CNTNAP2: variants seen among roughly 807,000 people sequenced by gnomAD.
CNTNAP2 encodes the protein contactin associated protein 2, also known as contactin-associated protein-like 2.
A neutral mutation model predicts 155.2 loss-of-function variants in CNTNAP2; 98 were observed. The observed-to-expected ratio is 0.63, with a 90% CI of 0.54 to 0.75. The LOEUF is 0.75. Among genes scored for constraint, CNTNAP2 ranks in the 30% least tolerant of loss-of-function variants. The pLI, the probability that CNTNAP2 is intolerant of heterozygous loss-of-function variation, is 0.00. For missense variants in CNTNAP2, 1,727 were observed against 1,688.1 expected, an observed-to-expected ratio of 1.02 and a Z score of -0.40; for synonymous variants, 651 against 631.2, an observed-to-expected ratio of 1.03 and a Z score of -0.47.
chr7:148,216,163 G>A (rs1486926694), intron 18 of CNTNAP2, among the ~76,000 whole-genome samples: 4 of 152,202 alleles, frequency 2.6e-5, no homozygotes, highest in Admixed American at 6.5e-5. Flanking sequence ...CAAACAGCAG[G>A]GAGACCGGCA....
chr7:146,417,563 ATCT>A (rs926449325), intron 1 of CNTNAP2, among the ~76,000 whole-genome samples: 110 of 152,158 alleles, frequency 7.2e-4, no homozygotes, highest in African/African-American at 2.4e-3. Flanking sequence ...CATTGGAGTT[ATCT>A]TCTTCTTCTT....
intron 1 of CNTNAP2, among the ~76,000 whole-genome samples, chr7:146,541,475 T>C (rs532359705): frequency 6.6e-6 from 1 of 152,154 alleles, no homozygotes; most frequent in South Asian, 2.1e-4. Context: ...CCCAATTAAA[T>C]GAAGATGAGT....
chr7:146,617,560 T>C (rs1210452005), intron 1 of CNTNAP2, among the ~76,000 whole-genome samples: 1 of 152,192 alleles, frequency 6.6e-6, no homozygotes, highest in Non-Finnish European at 1.5e-5. Flanking sequence ...CTTAAATAAA[T>C]ATCAAAGTTA....
chr7:146,354,206 C>T (rs759158810), intron 1 of CNTNAP2, among the ~76,000 whole-genome samples: 1 of 152,110 alleles, frequency 6.6e-6, no homozygotes, highest in Non-Finnish European at 1.5e-5. Flanking sequence ...TTGATAAAGC[C>T]ACTTATCCAC....
Position 147,186,770 on chromosome 7 carries a change from G to A in CNTNAP2, c.1348+54261G>A, listed in dbSNP as rs60236735. The stretch of plus-strand genomic sequence containing the variant: ...CAAGAACCTGGAGGATGTGAGCACA[G>A]TGGGCCTTCTGGCATGGCAGAAGCA... On this transcript the variant is annotated intron_variant, in intron 8 of 23. Coordinates refer to ENST00000361727, the MANE Select transcript of CNTNAP2 (RefSeq NM_014141.6). Among the ~76,000 whole-genome samples, 459 of 152,314 alleles carry A rather than the reference G, an allele frequency of 3.0e-3. 2 individuals carry two copies. Among genetic ancestry groups the A allele is most frequent in the African/African-American group, 0.011 (445 of 41,558 alleles).
intron 1 of CNTNAP2, among the ~76,000 whole-genome samples, chr7:146,735,814 G>C (rs527721978): frequency 7.0e-6 from 1 of 142,148 alleles, no homozygotes; most frequent in South Asian, 2.1e-4. Flanking sequence ...GCTAGAGAGC[G>C]GGAATAACTT....
At chr7:147,535,092 G>C (rs1799515275) in intron 11 of CNTNAP2, among the ~76,000 whole-genome samples, 1 of 152,104 alleles carries the variant, frequency 6.6e-6, no homozygotes, top group South Asian at 2.1e-4. Flanking sequence ...ACAAACATCT[G>C]ATAACAATAG....
At chr7:147,266,727 T>G (rs1373009528) in intron 8 of CNTNAP2, among the ~76,000 whole-genome samples, 1 of 152,038 alleles carries the variant, frequency 6.6e-6, no homozygotes, top group African/African-American at 2.4e-5. Flanking sequence ...GTTGTGGGAG[T>G]AGTTATAACC....
At chr7:146,121,212 T>C (rs1179988824) in intron 1 of CNTNAP2, among the ~76,000 whole-genome samples, 4 of 134,216 alleles carry the variant, frequency 3.0e-5, no homozygotes, top group Admixed American at 8.8e-5. Context: ...CACTGCAAGC[T>C]CCGCCTCCTG....
chr7:146,821,192 T>C (rs192592742), intron 2 of CNTNAP2, among the ~76,000 whole-genome samples: 118 of 152,300 alleles, frequency 7.7e-4, no homozygotes, highest in African/African-American at 2.7e-3. Context: ...TATGTGTGAA[T>C]TTGGTCCTGT....
chr7:147,069,162 C>G (rs1563064899), intron 4 of CNTNAP2, among the ~76,000 whole-genome samples: 1 of 152,136 alleles, frequency 6.6e-6, no homozygotes, highest in South Asian at 2.1e-4. Context: ...GGATCCACCC[C>G]CATGACCCAA....
chr7:147,454,433 A>AT (rs1368608697), intron 10 of CNTNAP2, among the ~76,000 whole-genome samples: 1 of 151,964 alleles, frequency 6.6e-6, no homozygotes, highest in Non-Finnish European at 1.5e-5. Flanking sequence ...GATTTTCTTT[A>AT]TTTTGTCTTA....
intron 3 of CNTNAP2, among the ~76,000 whole-genome samples, chr7:146,877,660 TATAC>T (rs750330051): frequency 6.6e-4 from 101 of 151,998 alleles, no homozygotes; most frequent in Non-Finnish European, 1.2e-3. Flanking sequence ...TATATGTACA[TATAC>T]ATATATGTAT....
At position 148,310,506 on chromosome 7, in the gene CNTNAP2, G is replaced by A. The variant is rs538947251; in HGVS notation, c.3475+43380G>A. Among the ~76,000 whole-genome samples, 6 of 152,330 alleles carry A rather than the reference G, an allele frequency of 3.9e-5. No individual in the cohort carries two copies. The East Asian group carries it at 5.8e-4, about 15-fold the overall frequency. ...TTGAAATGCCTGCTATTCCAGTACCGAGAGCAATAGTAGAGGCAGAAAGTC... is the reference window on the plus strand; with the variant it reads ...TTGAAATGCCTGCTATTCCAGTACCAAGAGCAATAGTAGAGGCAGAAAGTC... On this transcript the variant is annotated intron_variant, in intron 21 of 23. Coordinates refer to ENST00000361727, the MANE Select transcript of CNTNAP2 (RefSeq NM_014141.6).
At chr7:148,176,347 G>T (rs890353254) in intron 18 of CNTNAP2, among the ~76,000 whole-genome samples, 1 of 148,770 alleles carries the variant, frequency 6.7e-6, no homozygotes, top group African/African-American at 2.5e-5. Context: ...TCAGCCTCCC[G>T]AGTAGCTGGG....
chr7:147,678,019 G>T (rs1005089194), intron 13 of CNTNAP2, among the ~76,000 whole-genome samples: 2 of 151,588 alleles, frequency 1.3e-5, no homozygotes, highest in East Asian at 3.9e-4. Context: ...ATCGTTTAGG[G>T]TATATAATAC....
intron 21 of CNTNAP2, among the ~76,000 whole-genome samples, chr7:148,269,238 A>G (rs1796730724): frequency 6.6e-6 from 1 of 152,226 alleles, no homozygotes; most frequent in South Asian, 2.1e-4. Context: ...TGTATTGATC[A>G]CTGAGCCTTA....
chr7:146,843,330 C>T (rs1585118426), intron 3 of CNTNAP2, among the ~76,000 whole-genome samples: 1 of 151,882 alleles, frequency 6.6e-6, no homozygotes, highest in Non-Finnish European at 1.5e-5. Context: ...CACTTTTAAA[C>T]AACCAGATCT....
chr7:147,346,007 G>C (rs149759606), intron 9 of CNTNAP2, among the ~76,000 whole-genome samples: 2 of 152,054 alleles, frequency 1.3e-5, no homozygotes, highest in South Asian at 2.1e-4. Flanking sequence ...TTAATTTTAC[G>C]AAATTTGAAA....
Sources: gnomAD v4.1 joint callset for allele counts (sites outside exome capture counted in the v4.1 genomes callset) on GRCh38, gnomAD v4.1.1 for gene constraint, MANE v1.5 for transcripts, NCBI Gene and HGNC (gene_info 2026-07-23, HGNC 2026-07-21) for gene names.